The following LIN54 variants were observed in gnomAD, a reference collection of about 807,000 sequenced individuals.
LIN54 encodes protein lin-54 homolog.
LIN54 carries 9 observed loss-of-function variants against 78.7 expected under a neutral mutation model. The observed-to-expected ratio is 0.11, with a 90% CI of 0.07 to 0.20. The LOEUF is 0.20. Among genes scored for constraint, LIN54 ranks in the 10% least tolerant of loss-of-function variants. LIN54 has a pLI of 1.00. For synonymous variants in LIN54, 269 were observed against 318.4 expected (o/e 0.84, Z 1.65); for missense variants, 573 against 889.9 (o/e 0.64, Z 4.53).
chr4:82,984,935 A>T, intron 1 of LIN54, 59 bp from the exon 2 acceptor site: 1 of 1,246,982 alleles, frequency 8.0e-7, no homozygotes, highest in Non-Finnish European at 1.1e-6. Context: ...TAAGAAAAAA[A>T]TTCAAAAAAA....
intron 1 of LIN54, among the ~76,000 whole-genome samples, chr4:82,986,653 G>A (rs1274562380): frequency 3.6e-5 from 5 of 139,848 alleles, no homozygotes; most frequent in Admixed American, 7.6e-5. Flanking sequence ...GCAATGAGCC[G>A]AGATCGTGCC....
At position 82,992,825 on chromosome 4, in the gene LIN54, G is replaced by A. The variant is rs535919542; in HGVS notation, c.-32-7949C>T. Reference sequence around the variant, plus strand: ...GGGTGGATCACGAGGTCAGGAGATTGAGACCATCCTGGTTAACACGGTGAA... The same window carrying A: ...GGGTGGATCACGAGGTCAGGAGATTAAGACCATCCTGGTTAACACGGTGAA... On this transcript the variant is annotated intron_variant, in intron 1 of 12. Coordinates refer to ENST00000340417, the MANE Select transcript of LIN54 (RefSeq NM_194282.4). 5.6e-3 allele frequency among the ~76,000 whole-genome samples: 846 copies of A among 151,722 alleles called. 6 individuals are homozygous for A. Among genetic ancestry groups the A allele is most frequent in the Non-Finnish European group, 7.9e-3 (533 of 67,736 alleles).
Position 82,928,034 on chromosome 4 carries a change from A to T in LIN54, c.*68T>A. The T allele has an allele frequency of 7.5e-7, 1 of 1,325,006 alleles. No individual in the cohort carries two copies. Among genetic ancestry groups the T allele is most frequent in the Non-Finnish European group, 1.1e-6 (1 of 922,476 alleles). The allele number at this position is 1,325,006 out of a possible 1,614,324, so 82.1% of individuals were successfully genotyped here. ...AAAATACAGTAATTGTTTTTCTTCC[A>T]GAAAATCAAGTGTCCCTGCACCTTA... On this transcript the variant is annotated 3_prime_UTR_variant, in exon 13 of 13. Coordinates refer to ENST00000340417, the MANE Select transcript of LIN54 (RefSeq NM_194282.4).
intron 2 of LIN54, among the ~76,000 whole-genome samples, chr4:82,981,810 T>G (rs1043739811): frequency 2.6e-5 from 4 of 152,088 alleles, no homozygotes; most frequent in Non-Finnish European, 5.9e-5. Flanking sequence ...GGCAGGTGGA[T>G]TGCTTGTGTC....
chr4:83,003,430 G>A (rs1201767536), intron 1 of LIN54: 3 of 152,176 alleles, frequency 2.0e-5, no homozygotes, highest in African/African-American at 4.8e-5. Context: ...TTCTGATGAA[G>A]TTTTGAAAGG....
intron 1 of LIN54, among the ~76,000 whole-genome samples, chr4:82,985,887 C>T (rs1727089806): frequency 6.6e-6 from 1 of 152,098 alleles, no homozygotes; most frequent in Admixed American, 6.5e-5. Context: ...AAGAGATGTA[C>T]AGCCAATCCC....
At chr4:82,991,333 T>C (rs1727685610) in intron 1 of LIN54, among the ~76,000 whole-genome samples, 1 of 152,198 alleles carries the variant, frequency 6.6e-6, no homozygotes, top group Admixed American at 6.5e-5. Context: ...CATTTTCCAA[T>C]TGTTTATGAG....
At chr4:82,940,899 T>A (rs1374447546) in intron 5 of LIN54, among the ~76,000 whole-genome samples, 1 of 152,134 alleles carries the variant, frequency 6.6e-6, no homozygotes, top group African/African-American at 2.4e-5. Context: ...GTTAAGTATA[T>A]GTTAATTCTT....
At chr4:82,975,282 G>A (rs1726071471) in intron 3 of LIN54, among the ~76,000 whole-genome samples, 1 of 151,184 alleles carries the variant, frequency 6.6e-6, no homozygotes, top group Non-Finnish European at 1.5e-5. Flanking sequence ...CACTTAGTGA[G>A]TTGAGATCAC....
At chr4:82,932,917 T>C (rs545597893) in intron 11 of LIN54, among the ~76,000 whole-genome samples, 1 of 152,152 alleles carries the variant, frequency 6.6e-6, no homozygotes, top group Non-Finnish European at 1.5e-5. Flanking sequence ...TTCTAACGAA[T>C]TTGAGTATGT....
intron 2 of LIN54, among the ~76,000 whole-genome samples, chr4:82,979,621 T>C (rs960907440): frequency 1.1e-4 from 16 of 152,060 alleles, no homozygotes; most frequent in African/African-American, 3.9e-4. Flanking sequence ...TAAACTATTA[T>C]GTACTACACT....
intron 3 of LIN54, among the ~76,000 whole-genome samples, chr4:82,976,514 C>T (rs1245725288): frequency 2.0e-5 from 3 of 152,074 alleles, no homozygotes; most frequent in African/African-American, 7.2e-5. Flanking sequence ...TCGAGACCAG[C>T]CTGGCCAACA....
At chr4:82,977,839 G>T (rs1274130354) in intron 3 of LIN54, among the ~76,000 whole-genome samples, 1 of 152,166 alleles carries the variant, frequency 6.6e-6, no homozygotes, top group Non-Finnish European at 1.5e-5. Flanking sequence ...TAGTGAAAGA[G>T]TCATTTAGTA....
intron 4 of LIN54, among the ~76,000 whole-genome samples, chr4:82,955,302 T>G (rs1724194134): frequency 6.6e-6 from 1 of 152,004 alleles, no homozygotes; most frequent in African/African-American, 2.4e-5. Context: ...AGGTGGAGGT[T>G]GCAATGAGTC....
chr4:82,979,824 C>A (rs1425703839), intron 2 of LIN54, among the ~76,000 whole-genome samples: 5 of 150,686 alleles, frequency 3.3e-5, no homozygotes, highest in Admixed American at 2.0e-4. Flanking sequence ...ATAATCTTAG[C>A]TACTCGGGAG....
At chr4:83,011,432 C>G (rs1342764033), upstream of LIN54, among the ~76,000 whole-genome samples, 1 of 152,116 alleles carries the variant, frequency 6.6e-6, no homozygotes, top group Non-Finnish European at 1.5e-5. Context: ...ACTGCGACTT[C>G]CAATCTGTCA....
chr4:82,938,566 T>TGA, intron 7 of LIN54, 62 bp from the exon 8 acceptor site: 1 of 869,382 alleles, frequency 1.2e-6, no homozygotes, highest in East Asian at 2.4e-5. Flanking sequence ...CTGTCAGGTA[T>TGA]GATGATCAGT....
chr4:83,002,179 T>A (rs977907796), intron 1 of LIN54, among the ~76,000 whole-genome samples: 5 of 151,334 alleles, frequency 3.3e-5, no homozygotes, highest in African/African-American at 4.9e-5. Flanking sequence ...ACATGGACCC[T>A]TCTACGATAC....
chr4:82,949,552 AT>A (rs1406094488), intron 4 of LIN54, among the ~76,000 whole-genome samples: 1 of 152,012 alleles, frequency 6.6e-6, no homozygotes, highest in African/African-American at 2.4e-5. Context: ...ACACGCCACC[AT>A]GCCCAGCTAA....
Sources: allele counts gnomAD v4.1 joint callset (sites outside exome capture counted in the v4.1 genomes callset), GRCh38; gene constraint gnomAD v4.1.1; transcripts MANE v1.5; gene names NCBI Gene and HGNC (gene_info 2026-07-23, HGNC 2026-07-21).